The following COG5 variants were observed in gnomAD, a reference collection of about 807,000 sequenced individuals.
The protein encoded by COG5 is conserved oligomeric Golgi complex subunit 5.
A neutral mutation model predicts 110.4 loss-of-function variants in COG5; 86 were observed. That is an observed-to-expected ratio of 0.78 (90% CI 0.65 to 0.93). COG5 has a LOEUF of 0.93. Among genes scored for constraint, COG5 ranks in the 40% least tolerant of loss-of-function variants. The probability of loss-of-function intolerance (pLI) is 0.00; values close to 1 mark genes in which losing one functional copy is unlikely to be tolerated. For missense variants in COG5, 1,077 were observed against 987.0 expected, an observed-to-expected ratio of 1.09 and a Z score of -1.22; for synonymous variants, 360 against 334.6, an observed-to-expected ratio of 1.08 and a Z score of -0.83.
intron 6 of COG5, among the ~76,000 whole-genome samples, chr7:107,423,525 CAAT>C (rs1793436283): frequency 2.0e-5 from 3 of 151,940 alleles, no homozygotes; most frequent in South Asian, 2.1e-4. Context: ...CAATTCTATA[CAAT>C]GAGAGAGGGA....
At chr7:107,467,681 T>C (rs1163784448) in intron 6 of COG5, among the ~76,000 whole-genome samples, 1 of 152,186 alleles carries the variant, frequency 6.6e-6, no homozygotes, top group African/African-American at 2.4e-5. Flanking sequence ...GAAAATAATA[T>C]AATCTGATTC....
At position 107,380,723 on chromosome 7, in the gene COG5, G is replaced by T. The variant is rs150476877; in HGVS notation, c.670-7963C>A. 1.3e-5 allele frequency among the ~76,000 whole-genome samples: 2 copies of T among 152,108 alleles called. 1 individual carries two copies. The highest frequency in any genetic ancestry group is 3.9e-4 in the East Asian group (2 of 5,190). On this transcript the variant is annotated intron_variant, in intron 7 of 21. Coordinates refer to ENST00000297135, the MANE Select transcript of COG5 (RefSeq NM_006348.5). ...AGACAAATTCACAGCCGAATTCTAC[G>T]AGAGGTTCAAAGAGGAGCTGGTACC... is the stretch of plus-strand genomic sequence containing the variant.
At chr7:107,473,686 C>A (rs934040493) in intron 6 of COG5, among the ~76,000 whole-genome samples, 2 of 151,948 alleles carry the variant, frequency 1.3e-5, no homozygotes, top group African/African-American at 2.4e-5. Context: ...TTTTAAGACA[C>A]TGGGCTGAAA....
At chr7:107,376,057 A>G (rs1300947727) in intron 7 of COG5, among the ~76,000 whole-genome samples, 2 of 152,090 alleles carry the variant, frequency 1.3e-5, no homozygotes, top group African/African-American at 4.8e-5. Flanking sequence ...GATCAAAAAA[A>G]GAGCAAATAA....
intron 14 of COG5, among the ~76,000 whole-genome samples, chr7:107,276,731 A>C (rs1414889084): frequency 6.6e-6 from 1 of 152,222 alleles, no homozygotes; most frequent in Non-Finnish European, 1.5e-5. Context: ...CAGACTATAC[A>C]AACAAATCCC....
At chr7:107,479,177 T>C (rs1797168658) in intron 6 of COG5, among the ~76,000 whole-genome samples, 2 of 152,140 alleles carry the variant, frequency 1.3e-5, no homozygotes, top group Non-Finnish European at 2.9e-5. Flanking sequence ...TCATGTTGAA[T>C]TTAAGAACAG....
intron 8 of COG5, among the ~76,000 whole-genome samples, chr7:107,362,828 AC>A (rs1562989977): frequency 6.6e-6 from 1 of 151,538 alleles, no homozygotes; most frequent in African/African-American, 2.4e-5. Context: ...AAAAAAAAAA[AC>A]CCTAAAACTG....
At chr7:107,548,808 A>G (rs1014010491) in intron 3 of COG5, among the ~76,000 whole-genome samples, 2 of 152,204 alleles carry the variant, frequency 1.3e-5, no homozygotes, top group African/African-American at 4.8e-5. Flanking sequence ...TTAGTCTACA[A>G]CTCTCTAGGC....
chr7:107,222,439 C>T (rs1286287010), intron 19 of COG5, among the ~76,000 whole-genome samples: 1 of 152,118 alleles, frequency 6.6e-6, no homozygotes, highest in Non-Finnish European at 1.5e-5. Context: ...CTCCTAACCT[C>T]GTGATCCGCC....
Position 107,362,104 on chromosome 7 carries a change from G to A in COG5, c.955C>T (p.His319Tyr). Residue 319 changes from histidine (H) to tyrosine (Y), a missense_variant, in exon 10 of 22, where the codon CAT (histidine) becomes TAT (tyrosine). His to Tyr is a moderately conservative substitution (Grantham distance 83). Coordinates refer to ENST00000297135, the MANE Select transcript of COG5 (RefSeq NM_006348.5). Reference protein sequence around the residue: ...HIYAVCGQVQHLQKVLAKKRD... With the variant: ...HIYAVCGQVQYLQKVLAKKRD... ...TTCTTGGCCAATACTTTTTGTAGAT[G>A]TTGTACCTTAAATGAAACAAATGTA... The A allele has an allele frequency of 1.2e-6, 2 of 1,605,292 alleles. No individual in the cohort carries two copies. Among genetic ancestry groups the A allele is most frequent in the East Asian group, 2.2e-5 (1 of 44,808 alleles).
At chr7:107,526,379 A>ACTG (rs1191256578) in intron 6 of COG5, among the ~76,000 whole-genome samples, 1 of 152,236 alleles carries the variant, frequency 6.6e-6, no homozygotes, top group East Asian at 1.9e-4. Context: ...AAAATTATGA[A>ACTG]CTGCTGCATC....
At chr7:107,417,546 T>C (rs1792951269) in intron 6 of COG5, among the ~76,000 whole-genome samples, 1 of 152,130 alleles carries the variant, frequency 6.6e-6, no homozygotes. Flanking sequence ...ATATCCAGAA[T>C]TATTTTCTTG....
intron 11 of COG5, among the ~76,000 whole-genome samples, chr7:107,308,087 T>C (rs549064161): frequency 3.3e-5 from 5 of 152,180 alleles, no homozygotes; most frequent in Non-Finnish European, 4.4e-5. Context: ...ACCTAATCTG[T>C]AGTTCTCTCA....
At chr7:107,449,686 G>A (rs1397596732) in intron 6 of COG5, among the ~76,000 whole-genome samples, 2 of 152,288 alleles carry the variant, frequency 1.3e-5, no homozygotes, top group South Asian at 2.1e-4. Context: ...ACAAGAAAAA[G>A]CTGAATTGCT....
At chr7:107,467,301 C>T (rs1485755398) in intron 6 of COG5, among the ~76,000 whole-genome samples, 3 of 152,054 alleles carry the variant, frequency 2.0e-5, no homozygotes, top group African/African-American at 7.2e-5. Flanking sequence ...ATTAAATGCA[C>T]AAGTGTGAGT....
intron 11 of COG5, among the ~76,000 whole-genome samples, chr7:107,302,758 T>C (rs918721521): frequency 4.6e-5 from 7 of 152,178 alleles, no homozygotes; most frequent in Non-Finnish European, 8.8e-5. Context: ...ACTCATTTAC[T>C]ATTCACTACA....
chr7:107,522,571 T>C (rs1305567966), intron 6 of COG5, among the ~76,000 whole-genome samples: 3 of 151,866 alleles, frequency 2.0e-5, no homozygotes, highest in Non-Finnish European at 4.4e-5. Flanking sequence ...GTTCTGCACA[T>C]GTATCCCGGA....
At chr7:107,362,610 G>A (rs1052701384) in intron 8 of COG5, among the ~76,000 whole-genome samples, 190 bp from the exon 9 acceptor site, 1 of 152,032 alleles carries the variant, frequency 6.6e-6, no homozygotes, top group African/African-American at 2.4e-5. Context: ...ACCCAGGAAG[G>A]ATAAAATGGA....
intron 10 of COG5, among the ~76,000 whole-genome samples, chr7:107,343,679 TCAAAA>T (rs1811358947): frequency 6.6e-6 from 1 of 151,932 alleles, no homozygotes; most frequent in Non-Finnish European, 1.5e-5. Flanking sequence ...AGACCCTGTC[TCAAAA>T]CAAAAAACAA....
Sources: gnomAD v4.1 joint callset for allele counts (sites outside exome capture counted in the v4.1 genomes callset) on GRCh38, gnomAD v4.1.1 for gene constraint, MANE v1.5 for transcripts, NCBI Gene and HGNC (gene_info 2026-07-23, HGNC 2026-07-21) for gene names.